Variants in DNAH17 observed in about 807,000 individuals in gnomAD.
DNAH17 encodes the protein dynein axonemal heavy chain 17.
DNAH17 carries 376 observed loss-of-function variants against 485.6 expected under a neutral mutation model. That is an observed-to-expected ratio of 0.77 (90% CI 0.71 to 0.84). The LOEUF (loss-of-function observed/expected upper bound fraction) is 0.84. DNAH17 is among the 40% of genes least tolerant of loss of function. The pLI is 0.00. For synonymous variants in DNAH17, 3,031 were observed against 2,405.9 expected, an observed-to-expected ratio of 1.26 and a Z score of -7.60; for missense variants, 6,370 against 5,839.3, an observed-to-expected ratio of 1.09 and a Z score of -2.96.
chr17:78,433,895 A>G, intron 75 of DNAH17, 134 bp downstream of exon 75: 1 of 651,956 alleles, frequency 1.5e-6, no homozygotes, highest in South Asian at 2.4e-5. Context: ...TTTAAGCCTA[A>G]GACAAAGACC....
chr17:78,534,098 T>A (rs868191440), intron 19 of DNAH17, among the ~76,000 whole-genome samples: 10 of 152,336 alleles, frequency 6.6e-5, no homozygotes, highest in African/African-American at 2.4e-4. Flanking sequence ...TCTGGGGGCA[T>A]GCATATGCAA....
At chr17:78,467,409 C>T (rs192575355) in intron 55 of DNAH17, among the ~76,000 whole-genome samples, 7 of 152,344 alleles carry the variant, frequency 4.6e-5, no homozygotes, top group African/African-American at 1.4e-4. Context: ...TGACTTTGCA[C>T]CCCTCACTGC....
In DNAH17 at chr17:78,560,892, C is replaced by A; in HGVS notation, c.1879G>T (p.Asp627Tyr). 1 of 1,551,488 alleles carries A rather than the reference C, an allele frequency of 6.4e-7. No individual in the cohort carries two copies. The highest frequency in any genetic ancestry group is 8.7e-7 in the Non-Finnish European group (1 of 1,147,132). The part of the protein sequence containing the change: ...AEAKLTYQKY[D>Y]EMMELLRCHR... ...CACCTCAGCAGCTCCATCATCTCGTCATACTTCTGATAGGTCAGCTTGGCC... is the reference window on the plus strand; with the variant it reads ...CACCTCAGCAGCTCCATCATCTCGTAATACTTCTGATAGGTCAGCTTGGCC... Residue 627 changes from aspartate (D) to tyrosine (Y), a missense_variant, in exon 13 of 81, where the codon GAC (aspartate) becomes TAC (tyrosine). Transcript: ENST00000389840.
Position 78,560,685 on chromosome 17 carries a change from G to A in DNAH17, c.2031+55C>T, listed in dbSNP as rs574552789. 1.1e-4 allele frequency: 166 copies of A among 1,483,958 alleles called. No individual in the cohort carries two copies. The East Asian group carries it at 4.1e-3, about 36-fold the overall frequency. 91.9% of individuals were successfully genotyped at this position (1,483,958 alleles called of 1,614,324 possible). A position where few individuals can be genotyped will look rare whatever the true frequency, so the allele number is the denominator to read the frequency against. ...ATCCGTGCTGAGGGAACCTTGGCAG[G>A]CCCTCCCCCCGCTCCCAAGGAGCCT... On this transcript the variant is annotated intron_variant, in intron 13 of 80. Transcript: ENST00000389840.
intron 20 of DNAH17, 52 bp from the exon 21 acceptor site, chr17:78,530,564 G>GA: frequency 6.4e-7 from 1 of 1,561,008 alleles, no homozygotes; most frequent in Non-Finnish European, 8.7e-7. Flanking sequence ...CCTAGGGGGG[G>GA]CGTCAGCACA....
rs1219656883 is a variant in DNAH17, at chr17:78,566,892, T to TA, written c.1452+106_1452+107insT. 2.1e-5 allele frequency: 29 copies of TA among 1,398,516 alleles called. No homozygotes were observed. The South Asian group carries it at 3.9e-4, about 19-fold the overall frequency. 86.6% of individuals were successfully genotyped at this position (1,398,516 alleles called of 1,614,324 possible). Reference sequence around the variant, plus strand: ...CAGTTTTCAAAGTGTTGGGATCACCTGGCACCTGCTTCCTCCGTGTGCCCT... The same window carrying TA: ...CAGTTTTCAAAGTGTTGGGATCACCTAGGCACCTGCTTCCTCCGTGTGCCCT... On this transcript the variant is annotated intron_variant, in intron 10 of 80. Transcript: ENST00000389840.
At chr17:78,474,330 A>G (rs1478065691) in intron 54 of DNAH17, among the ~76,000 whole-genome samples, 1 of 152,272 alleles carries the variant, frequency 6.6e-6, no homozygotes, top group Non-Finnish European at 1.5e-5. Flanking sequence ...TTTCAGGTCT[A>G]ATCTCAAGCA....
chr17:78,521,320 C>T (rs1157970232), intron 25 of DNAH17, among the ~76,000 whole-genome samples: 6 of 152,012 alleles, frequency 3.9e-5, no homozygotes, highest in Admixed American at 2.0e-4. Flanking sequence ...GCAGGAGAAT[C>T]GCTTGAACCG....
chr17:78,522,512 G>T, intron 25 of DNAH17: 1 of 323,416 alleles, frequency 3.1e-6, no homozygotes, highest in Admixed American at 4.5e-5. Context: ...TCACGAGGAG[G>T]GACAAGACCC....
intron 20 of DNAH17, among the ~76,000 whole-genome samples, chr17:78,531,227 C>T (rs1020111871): frequency 6.6e-6 from 1 of 151,932 alleles, no homozygotes; most frequent in African/African-American, 2.4e-5. Context: ...TGCTCTGGTG[C>T]TGGGCGCATA....
intron 57 of DNAH17, among the ~76,000 whole-genome samples, chr17:78,462,244 A>T (rs1259553072): frequency 3.6e-5 from 1 of 28,046 alleles, no homozygotes; most frequent in Non-Finnish European, 6.9e-5. Context: ...AGTGACAGCG[A>T]GAGTTTGGTA....
chr17:78,519,901 GGAGTTT>G (rs2090891962), intron 25 of DNAH17, among the ~76,000 whole-genome samples: 3 of 152,186 alleles, frequency 2.0e-5, no homozygotes, highest in Admixed American at 2.0e-4. Context: ...CCTGCGGTCA[GGAGTTT>G]GAGACCAGCC....
Position 78,494,825 on chromosome 17 carries a change from G to A in DNAH17, c.6043-5C>T, listed in dbSNP as rs375883296. 13 of 1,596,448 alleles carry A rather than the reference G, an allele frequency of 8.1e-6. No individual in the cohort carries two copies. The highest frequency in any genetic ancestry group is 4.0e-5 in the African/African-American group (3 of 74,688). ...CAGGCCCCAGTCGTAATGATCCTGC[G>A]GGCAGTGGGCACAGGTGGGCAGACG... On this transcript the variant is annotated splice_polypyrimidine_tract_variant and splice_region_variant and intron_variant, in intron 39 of 80. Transcript: ENST00000389840.
At chr17:78,429,375 C>G (rs920994574) in intron 75 of DNAH17, 75 bp from the exon 76 acceptor site, 29 of 1,503,554 alleles carry the variant, frequency 1.9e-5, no homozygotes, top group Non-Finnish European at 2.5e-5. Context: ...CAGGCTCAGG[C>G]AGGCAGGGCG....
In DNAH17 at chr17:78,483,994, G is replaced by A. The variant is rs151287459; in HGVS notation, c.7649+874C>T. Among the ~76,000 whole-genome samples, 808 of 149,046 alleles carry A rather than the reference G, an allele frequency of 5.4e-3. 7 individuals are homozygous for A. The highest frequency in any genetic ancestry group is 0.019 in the African/African-American group (768 of 40,444). ...ACCTGTATTACCAGCTACTCAGGAG[G>A]CTGAGGAAGGAGAATTCCTTGAACC... On this transcript the variant is annotated intron_variant, in intron 48 of 80. Coordinates refer to ENST00000389840, the MANE Select transcript of DNAH17 (RefSeq NM_173628.4).
In DNAH17 at chr17:78,560,474, CT is replaced by C. The variant is rs570480817; in HGVS notation, c.2031+265del. On this transcript the variant is annotated intron_variant, in intron 13 of 80. Coordinates refer to ENST00000389840, the MANE Select transcript of DNAH17 (RefSeq NM_173628.4). ...TGCATTTATCTAGATTCGGCAAAGACTTTTTCCCCCCCCCCAGTTTCAAATT... is the reference window on the plus strand; with the variant it reads ...TGCATTTATCTAGATTCGGCAAAGACTTTTCCCCCCCCCCAGTTTCAAATT... 8.4e-4 allele frequency among the ~76,000 whole-genome samples: 127 copies of C among 150,882 alleles called. 2 individuals carry two copies. In the Middle Eastern group the frequency reaches 0.01, roughly 12 times the overall value.
intron 2 of DNAH17, among the ~76,000 whole-genome samples, chr17:78,574,212 G>T (rs1009410923): frequency 6.6e-6 from 1 of 152,138 alleles, no homozygotes. Context: ...GTCTGTGGCC[G>T]GGCATGATGG....
intron 77 of DNAH17, 175 bp from the exon 78 acceptor site, chr17:78,427,283 G>A (rs2086509925): frequency 1.5e-6 from 1 of 651,138 alleles, no homozygotes; most frequent in Non-Finnish European, 2.6e-6. Flanking sequence ...TTGATGAGGA[G>A]AGGGAGCCTT....
intron 47 of DNAH17, 141 bp from the exon 48 acceptor site, chr17:78,485,174 G>A (rs925544974): frequency 2.6e-6 from 3 of 1,148,172 alleles, no homozygotes; most frequent in South Asian, 1.6e-5. Flanking sequence ...TACCTGCCCT[G>A]GGAGTGGCCC....
Sources: allele counts gnomAD v4.1 joint callset (sites outside exome capture counted in the v4.1 genomes callset), GRCh38; gene constraint gnomAD v4.1.1; transcripts MANE v1.5; gene names NCBI Gene and HGNC (gene_info 2026-07-23, HGNC 2026-07-21).